HSCB: variants seen among roughly 807,000 people sequenced by gnomAD.
HSCB encodes iron-sulfur cluster co-chaperone protein HscB.
In HSCB, 23 loss-of-function variants were observed where a neutral mutation model predicts 31.3. The observed-to-expected ratio is 0.74, with a 90% CI of 0.53 to 1.04. HSCB has a LOEUF of 1.04. Among genes scored for constraint, HSCB ranks in the 50% least tolerant of loss-of-function variants. HSCB has a pLI of 0.00. For synonymous variants in HSCB, 110 were observed against 104.5 expected, an observed-to-expected ratio of 1.05 and a Z score of -0.32; for missense variants, 297 against 288.1, an observed-to-expected ratio of 1.03 and a Z score of -0.22.
chr22:28,752,444 A>G (rs2030320076), intron 5 of HSCB, among the ~76,000 whole-genome samples: 1 of 151,288 alleles, frequency 6.6e-6, no homozygotes, highest in East Asian at 1.9e-4. Flanking sequence ...AAAAAAAAAA[A>G]AAAAATTGGG....
In HSCB at chr22:28,751,227, GTTTTCT is replaced by G; in HGVS notation, c.569-8_569-3del. The G allele has an allele frequency of 1.9e-6, 3 of 1,559,142 alleles. No individual in the cohort carries two copies. Among genetic ancestry groups the G allele is most frequent in the Non-Finnish European group, 2.6e-6 (3 of 1,136,028 alleles). On this transcript the variant is annotated splice_region_variant and splice_polypyrimidine_tract_variant and intron_variant, in intron 4 of 5. Coordinates refer to ENST00000216027, the MANE Select transcript of HSCB (RefSeq NM_172002.5). ...TTTCAATGGAAAAATTAACAGAATG[GTTTTCT>G]TTTTCAGCTAAACAGAAAGAATTTA...
rs1185833284 is a variant in HSCB, at chr22:28,757,328, T to TA, written c.*160dup. 2.1e-6 allele frequency: 1 copy of TA among 468,304 alleles called. No individual in the cohort carries two copies. Among genetic ancestry groups the TA allele is most frequent in the African/African-American group, 2.0e-5 (1 of 49,876 alleles). 29.0% of individuals were successfully genotyped at this position (468,304 alleles called of 1,614,324 possible). ...AGTGAAACCCCGTCTCTGCTGAAAA[T>TA]ACAAAAATTAGCCGGGCATGGTGGC... On this transcript the variant is annotated 3_prime_UTR_variant, in exon 6 of 6. Transcript: ENST00000216027.
intron 4 of HSCB, among the ~76,000 whole-genome samples, chr22:28,747,072 T>A (rs1202932684): frequency 1.3e-5 from 2 of 151,610 alleles, no homozygotes; most frequent in South Asian, 2.1e-4. Context: ...ACAAAAAAAA[T>A]AAACAAAATC....
intron 3 of HSCB, 113 bp from the exon 4 acceptor site, chr22:28,745,751 G>A (rs916107552): frequency 1.7e-5 from 14 of 845,268 alleles, no homozygotes; most frequent in Non-Finnish European, 2.4e-5. Flanking sequence ...TTCATTATCG[G>A]GACAGTTGCA....
chr22:28,750,945 C>CTTTTTTTTTTTTCTTTTTTTTTTTTT (rs2030190489), intron 4 of HSCB, among the ~76,000 whole-genome samples: 1 of 56,452 alleles, frequency 1.8e-5, no homozygotes, highest in Non-Finnish European at 3.2e-5. Flanking sequence ...ATATCTTTGT[C>CTTTTTTTTTTTTCTTTTTTTTTTTTT]TTTTTTTTTT....
At chr22:28,747,649 T>A (rs542765307) in intron 4 of HSCB, among the ~76,000 whole-genome samples, 1 of 152,294 alleles carries the variant, frequency 6.6e-6, no homozygotes, top group East Asian at 1.9e-4. Context: ...CCTAGCCAAG[T>A]TGACGCATAA....
intron 5 of HSCB, among the ~76,000 whole-genome samples, chr22:28,753,410 C>G (rs542453189): frequency 6.6e-6 from 1 of 151,960 alleles, no homozygotes; most frequent in East Asian, 1.9e-4. Flanking sequence ...CGCCTGTAAT[C>G]CCAGCTACTC....
chr22:28,755,284 C>T (rs1005365285), intron 5 of HSCB, among the ~76,000 whole-genome samples: 16 of 151,766 alleles, frequency 1.1e-4, no homozygotes, highest in African/African-American at 2.9e-4. Context: ...GTGGCGGGCA[C>T]CTGTAGTCCC....
rs997274250 is a variant in HSCB, at chr22:28,751,137, T to A, written c.569-104T>A. The A allele has an allele frequency of 7.3e-6, 5 of 688,736 alleles. No individual in the cohort carries two copies. In the African/African-American group the frequency reaches 9.1e-5, roughly 13 times the overall value. The allele number at this position is 688,736 out of a possible 1,614,324, so 42.7% of individuals were successfully genotyped here. On this transcript the variant is annotated intron_variant, in intron 4 of 5. Coordinates refer to ENST00000216027, the MANE Select transcript of HSCB (RefSeq NM_172002.5). ...GCCTTACCCTTGAATACAAACTTCC[T>A]CCTTTGTTGTGTTCAAACCAGCATG...
rs376474706 is a variant in HSCB, at chr22:28,752,666, G to A, written c.616+1378G>A. ...GGAGAATGGCGTGAACCCGGGAGGC[G>A]GAGCTTGCAGTGAGCAGAGATCGCG... On this transcript the variant is annotated intron_variant, in intron 5 of 5. Coordinates refer to ENST00000216027, the MANE Select transcript of HSCB (RefSeq NM_172002.5). Among the ~76,000 whole-genome samples, 19 of 150,952 alleles carry A rather than the reference G, an allele frequency of 1.3e-4. No homozygotes were observed. The South Asian group carries it at 1.9e-3, about 15-fold the overall frequency.
intron 3 of HSCB, 62 bp from the exon 4 acceptor site, chr22:28,745,802 G>C: frequency 7.2e-7 from 1 of 1,397,926 alleles, no homozygotes; most frequent in South Asian, 1.4e-5. Flanking sequence ...TGGATGAGTA[G>C]GATTTACATT....
intron 5 of HSCB, among the ~76,000 whole-genome samples, chr22:28,752,626 C>T (rs1055639681): frequency 6.0e-5 from 8 of 132,582 alleles, no homozygotes; most frequent in African/African-American, 1.7e-4. Context: ...CCCAGCTACT[C>T]GGGAGGCTGA....
At chr22:28,746,187 C>T (rs1198853658) in intron 4 of HSCB, among the ~76,000 whole-genome samples, 179 bp downstream of exon 4, 1 of 151,798 alleles carries the variant, frequency 6.6e-6, no homozygotes, top group Admixed American at 6.6e-5. Context: ...TCAAGATCAG[C>T]CTGGCCAACA....
rs5752784 is a variant in HSCB at position 28,746,942 on chromosome 22, T to C, written c.568+934T>C. The stretch of plus-strand genomic sequence containing the variant: ...AGCCAAGCGTGGAGGTGCGCACTTG[T>C]GGTCCCAGCTATTCAGGAGGATGAG... On this transcript the variant is annotated intron_variant, in intron 4 of 5. Coordinates refer to ENST00000216027, the MANE Select transcript of HSCB (RefSeq NM_172002.5). Among the ~76,000 whole-genome samples the C allele has an allele frequency of 3.3e-4, 49 of 149,830 alleles. No homozygotes were observed. In the East Asian group the frequency reaches 9.2e-3, roughly 28 times the overall value.
intron 5 of HSCB, among the ~76,000 whole-genome samples, chr22:28,755,572 A>G (rs1050879620): frequency 3.9e-5 from 6 of 152,128 alleles, no homozygotes; most frequent in Non-Finnish European, 7.4e-5. Flanking sequence ...TTAACCATAT[A>G]TGTACATAAT....
At chr22:28,746,103 G>C (rs377183164) in intron 4 of HSCB, 95 bp downstream of exon 4, 32 of 1,243,062 alleles carry the variant, frequency 2.6e-5, no homozygotes, top group Non-Finnish European at 3.6e-5. Context: ...ATAATGGCCC[G>C]GGTGCAGTGG....
intron 4 of HSCB, among the ~76,000 whole-genome samples, chr22:28,749,176 A>C (rs1452264288): frequency 2.7e-5 from 4 of 150,616 alleles, no homozygotes; most frequent in East Asian, 1.9e-4. Flanking sequence ...GTGGCTTCTC[A>C]CTGCTCTAAA....
intron 4 of HSCB, among the ~76,000 whole-genome samples, chr22:28,747,056 C>A (rs1214260521): frequency 6.6e-6 from 1 of 151,756 alleles, no homozygotes; most frequent in African/African-American, 2.4e-5. Context: ...AGAGTGAGAC[C>A]CTGTCACAAA....
rs369178056 is a variant in HSCB, at chr22:28,744,748, C to T, written c.423+44C>T. 1.0e-4 allele frequency: 145 copies of T among 1,438,742 alleles called. No individual in the cohort carries two copies. The African/African-American group carries it at 1.8e-3, about 18-fold the overall frequency. 89.1% of individuals were successfully genotyped at this position (1,438,742 alleles called of 1,614,324 possible). On this transcript the variant is annotated intron_variant, in intron 3 of 5. Coordinates refer to ENST00000216027, the MANE Select transcript of HSCB (RefSeq NM_172002.5). Reference sequence around the variant, plus strand: ...ACTTCTGTGTATGACGTCCTGATGCCCATTATGGCGTAGGACAGCCACGTC... The same window carrying T: ...ACTTCTGTGTATGACGTCCTGATGCTCATTATGGCGTAGGACAGCCACGTC...
Sources: gnomAD v4.1 joint callset for allele counts (sites outside exome capture counted in the v4.1 genomes callset) on GRCh38, gnomAD v4.1.1 for gene constraint, MANE v1.5 for transcripts, NCBI Gene and HGNC (gene_info 2026-07-23, HGNC 2026-07-21) for gene names.